ACIN1: variants seen among roughly 807,000 people sequenced by gnomAD.
ACIN1 encodes apoptotic chromatin condensation inducer in the nucleus.
In ACIN1, 16 loss-of-function variants were observed where a neutral mutation model predicts 146.6. The observed-to-expected ratio is 0.11, with a 90% CI of 0.07 to 0.17. The LOEUF (loss-of-function observed/expected upper bound fraction) is 0.17, where lower values mean the gene tolerates loss of function less well. Among genes scored for constraint, ACIN1 ranks in the 10% least tolerant of loss-of-function variants. The pLI, the probability that ACIN1 is intolerant of heterozygous loss-of-function variation, is 1.00. For missense variants in ACIN1, 1,357 were observed against 1,609.3 expected (o/e 0.84, Z 2.68); for synonymous variants, 569 against 582.7 (o/e 0.98, Z 0.34).
In ACIN1 at chr14:23,068,967, C is replaced by T. The variant is rs111739907; in HGVS notation, c.2265+509G>A. 3.2e-4 allele frequency: 311 copies of T among 985,662 alleles called. 1 individual carries two copies. In the African/African-American group the frequency reaches 4.8e-3, roughly 15 times the overall value. The allele number at this position is 985,662 out of a possible 1,614,324, so 61.1% of individuals were successfully genotyped here. A position where few individuals can be genotyped will look rare whatever the true frequency, so the allele number is the denominator to read the frequency against. On this transcript the variant is annotated intron_variant, in intron 9 of 18. Coordinates refer to ENST00000605057, the MANE Select transcript of ACIN1 (RefSeq NM_001386863.1). This position sits in a 1 kb window ranked among gnomAD's most constrained non-coding sequence, Gnocchi z 4.3. Reference sequence around the variant, plus strand: ...GGGTCACAGGTAACTGAGAATGGGCCTTCCGGATCACAAGTGCTGGCTTCT... The same window carrying T: ...GGGTCACAGGTAACTGAGAATGGGCTTTCCGGATCACAAGTGCTGGCTTCT...
At chr14:23,093,579 AG>A (rs759345733) in intron 1 of ACIN1, 35 bp from the exon 2 acceptor site, 6 of 1,583,598 alleles carry the variant, frequency 3.8e-6, no homozygotes, top group Admixed American at 1.7e-5. Context: ...AGAAATGATG[AG>A]GAAAAAAAAG....
chr14:23,079,695 G>A lies in ACIN1; in HGVS notation c.1640C>T (p.Ser547Leu), dbSNP rs2140150682. ...SPDSSGSRSH[S>L]PLRSKQRDVA... The stretch of plus-strand genomic sequence containing the variant: ...ATCTCTCTGCTTGGATCTGAGCGGT[G>A]AATGAGACCGAGAACCTGAACTGTC... The change falls in exon 6 of 19, where the codon TCA becomes TTA. Residue 547 changes from serine (S) to leucine (L), a missense_variant. Ser to Leu is a moderately radical substitution (Grantham distance 145, BLOSUM62 -2). Transcript: ENST00000605057. The A allele has an allele frequency of 6.2e-7, 1 of 1,614,170 alleles. No individual in the cohort carries two copies. Among genetic ancestry groups the A allele is most frequent in the Non-Finnish European group, 8.5e-7 (1 of 1,180,036 alleles).
upstream of ACIN1, chr14:23,095,417 A>G (rs552033948): frequency 2.5e-6 from 3 of 1,198,516 alleles, no homozygotes; most frequent in African/African-American, 3.0e-5. Context: ...TGGTATAACC[A>G]TAATCGGAGA....
At chr14:23,092,419 G>A (rs1384545414) in intron 2 of ACIN1, among the ~76,000 whole-genome samples, 1 of 152,174 alleles carries the variant, frequency 6.6e-6, no homozygotes, top group East Asian at 1.9e-4. Context: ...AACATGCAAT[G>A]GGCAAAAGGA....
rs1035995163 is a variant in ACIN1 at position 23,061,552 on chromosome 14, C to T, written c.3170G>A (p.Arg1057Gln). ...ETKTEEQGIPRPLHPPPPPPV... is the reference protein window; with the variant it reads ...ETKTEEQGIPQPLHPPPPPPV... ...GGGTGGGGGTGGGGGGTGCAGGGGCCGTGGTATTCCCTGCTCCTCTGTCTT... is the reference window on the plus strand; with the variant it reads ...GGGTGGGGGTGGGGGGTGCAGGGGCTGTGGTATTCCCTGCTCCTCTGTCTT... Residue 1057 changes from arginine to glutamine, a missense_variant, in exon 17 of 19, where the codon CGG becomes CAG. Arg to Gln is a conservative substitution (Grantham distance 43). Coordinates refer to ENST00000605057, the MANE Select transcript of ACIN1 (RefSeq NM_001386863.1). 4.4e-6 allele frequency: 7 copies of T among 1,582,270 alleles called. No homozygotes were observed. Among genetic ancestry groups the T allele is most frequent in the East Asian group, 4.6e-5 (2 of 43,344 alleles).
chr14:23,087,152 C>A (rs1430068625), intron 4 of ACIN1, among the ~76,000 whole-genome samples: 1 of 152,182 alleles, frequency 6.6e-6, no homozygotes, highest in Non-Finnish European at 1.5e-5. Flanking sequence ...GCTGCCATTG[C>A]AATGGCATAC....
chr14:23,094,659 C>T (rs1215308024), intron 1 of ACIN1: 1 of 793,922 alleles, frequency 1.3e-6, no homozygotes, highest in East Asian at 3.7e-5. Flanking sequence ...GATTTAACTC[C>T]TTCTGCAGCG....
intron 8 of ACIN1, among the ~76,000 whole-genome samples, chr14:23,070,725 A>C (rs1159562115): frequency 6.6e-6 from 1 of 152,146 alleles, no homozygotes; most frequent in Non-Finnish European, 1.5e-5. Flanking sequence ...TCCCAGGCCG[A>C]TAACCACCAC....
Position 23,095,116 on chromosome 14 carries a change from G to C in ACIN1, c.-4C>G, listed in dbSNP as rs1303587456. ...TCACCTCCTCCAGCTCCGCCATCTT[G>C]CGTGAGGTACTCGGGTCCGTCCCGA... On this transcript the variant is annotated 5_prime_UTR_variant, in exon 1 of 19. Transcript: ENST00000605057. The C allele has an allele frequency of 6.2e-7, 1 of 1,614,226 alleles. No individual in the cohort carries two copies. The highest frequency in any genetic ancestry group is 1.7e-5 in the Admixed American group (1 of 60,028).
chr14:23,067,256 A>G lies in ACIN1; in HGVS notation c.2266-1248T>C. 7.4e-6 allele frequency: 7 copies of G among 951,354 alleles called. No homozygotes were observed. The highest frequency in any genetic ancestry group is 8.8e-6 in the Non-Finnish European group (7 of 798,758). The allele number at this position is 951,354 out of a possible 1,614,324, so 58.9% of individuals were successfully genotyped here. A position where few individuals can be genotyped will look rare whatever the true frequency, so the allele number is the denominator to read the frequency against. On this transcript the variant is annotated intron_variant, in intron 9 of 18. Coordinates refer to ENST00000605057, the MANE Select transcript of ACIN1 (RefSeq NM_001386863.1). The surrounding 1 kb of genome is among the most constrained non-coding windows in gnomAD (Gnocchi z 4.6). ...AATAAAATATTAAAAAAAGAAGAAG[A>G]AAATAAAGAAGAAAATAAACTAGGA...
rs759755839 is a variant in ACIN1 at position 23,061,353 on chromosome 14, A to G, written c.3369T>C (p.Arg1123=). ...REGPRSRSRS[R]DRRRKERAKS... Reference sequence around the variant, plus strand: ...TCGCACGTTCCTTGCGGCGGCGGTCACGGGACCTTGATCGGGAACGGGGCC... The same window carrying G: ...TCGCACGTTCCTTGCGGCGGCGGTCGCGGGACCTTGATCGGGAACGGGGCC... Residue 1123 remains arginine (R), a synonymous_variant, in exon 17 of 19, where the codon CGT becomes CGC. Transcript: ENST00000605057. 2.5e-6 allele frequency: 4 copies of G among 1,614,124 alleles called. No homozygotes were observed. In the Admixed American group the frequency reaches 6.7e-5, roughly 27 times the overall value.
rs760448619 is a variant in ACIN1 at position 23,080,133 on chromosome 14, G to A, written c.1202C>T (p.Ala401Val). 1 of 1,614,164 alleles carries A rather than the reference G, an allele frequency of 6.2e-7. No individual in the cohort carries two copies. The highest frequency in any genetic ancestry group is 8.5e-7 in the Non-Finnish European group (1 of 1,180,022). The part of the protein sequence containing the change: ...LIQLSPPNTD[A>V]DTRELLVSQH... The stretch of plus-strand genomic sequence containing the variant: ...AGATACTAATAGCTCCCTGGTGTCA[G>A]CATCTGTATTAGGAGGAGATAACTG... The change falls in exon 6 of 19, where the codon GCT becomes GTT. Residue 401 changes from alanine to valine, a missense_variant. Physicochemically the swap from Ala to Val is moderately conservative, Grantham distance 64. This residue lies in a region of ACIN1 where 771 missense variants were observed against 746.6 expected (regional missense o/e 1.03). Coordinates refer to ENST00000605057, the MANE Select transcript of ACIN1 (RefSeq NM_001386863.1).
At position 23,075,511 on chromosome 14, in the gene ACIN1, T is replaced by C. The variant is rs115340015; in HGVS notation, c.2123+2640A>G. Among the ~76,000 whole-genome samples, 1,012 of 152,092 alleles carry C rather than the reference T, an allele frequency of 6.7e-3. 11 individuals are homozygous for C. The highest frequency in any genetic ancestry group is 0.023 in the African/African-American group (934 of 41,464). On this transcript the variant is annotated intron_variant, in intron 8 of 18. Coordinates refer to ENST00000605057, the MANE Select transcript of ACIN1 (RefSeq NM_001386863.1). ...GACACCTTACCTCATAAATTTAGAA[T>C]TCCTCAGGCACAATCAGAATCAGAA...
chr14:23,087,156 G>A (rs1336117278), intron 4 of ACIN1, among the ~76,000 whole-genome samples: 3 of 152,176 alleles, frequency 2.0e-5, no homozygotes, highest in Non-Finnish European at 4.4e-5. Context: ...CCATTGCAAT[G>A]GCATACTGGC....
At position 23,090,190 on chromosome 14, in the gene ACIN1, G is replaced by C. The variant is rs1468674890; in HGVS notation, c.317-89C>G. ...AGAGGAGTGAAGGAGGTCAGGCAAA[G>C]TCACAGATACAGAGATACATACCAA... On this transcript the variant is annotated intron_variant, in intron 3 of 18. Transcript: ENST00000605057. The C allele has an allele frequency of 5.3e-6, 8 of 1,512,578 alleles. No homozygotes were observed. The East Asian group carries it at 1.8e-4, about 34-fold the overall frequency. 93.7% of individuals were successfully genotyped at this position (1,512,578 alleles called of 1,614,324 possible).
chr14:23,080,211 T>C lies in ACIN1; in HGVS notation c.1124A>G (p.His375Arg). The change falls in exon 6 of 19, where the codon CAT becomes CGT. Residue 375 changes from histidine to arginine, a missense_variant. His to Arg is a conservative substitution (Grantham distance 29). Coordinates refer to ENST00000605057, the MANE Select transcript of ACIN1 (RefSeq NM_001386863.1). ...CATGGGCTCTATTTCTTCTTCGCTA[T>C]GGAGCTGTGGATGAGGTGGTGGAGA... ...ASSPPPHPQLHSEEEIEPMEG... is the reference protein window; with the variant it reads ...ASSPPPHPQLRSEEEIEPMEG... 6.2e-7 allele frequency: 1 copy of C among 1,614,186 alleles called. No homozygotes were observed.
upstream of ACIN1, chr14:23,095,181 C>G: frequency 1.2e-6 from 2 of 1,614,220 alleles, no homozygotes; most frequent in Non-Finnish European, 1.7e-6. Context: ...CAACGCCCTT[C>G]GAACGTACCG....
chr14:23,064,044 C>A, intron 12 of ACIN1, 61 bp downstream of exon 12: 1 of 1,596,828 alleles, frequency 6.3e-7, no homozygotes, highest in Admixed American at 1.7e-5. Context: ...AGCTCCTCAG[C>A]TAGCTGCTCT....
At chr14:23,070,457 A>C (rs1175412044) in intron 8 of ACIN1, among the ~76,000 whole-genome samples, 2 of 151,932 alleles carry the variant, frequency 1.3e-5, no homozygotes, top group Non-Finnish European at 2.9e-5. Flanking sequence ...TAGTCAGGAC[A>C]CACCCTCCCC....
Sources: allele counts gnomAD v4.1 joint callset (sites outside exome capture counted in the v4.1 genomes callset), GRCh38; gene constraint gnomAD v4.1.1; regional missense constraint gnomAD v4.1.1; non-coding constraint Gnocchi (gnomAD v3.1); transcripts MANE v1.5; gene names NCBI Gene and HGNC (gene_info 2026-07-23, HGNC 2026-07-21).